The following RAI14 variants were observed in gnomAD, a reference collection of about 807,000 sequenced individuals.
RAI14 encodes the protein ankycorbin.
Under a neutral mutation model 115.4 loss-of-function variants are expected in RAI14, and 45 were observed. The observed-to-expected ratio is 0.39, with a 90% CI of 0.31 to 0.50. RAI14 has a LOEUF of 0.50. Among genes scored for constraint, RAI14 ranks in the 20% least tolerant of loss-of-function variants. The probability of loss-of-function intolerance (pLI) is 0.85; values close to 1 mark genes in which losing one functional copy is unlikely to be tolerated. For synonymous variants in RAI14, 371 were observed against 415.4 expected, an observed-to-expected ratio of 0.89 and a Z score of 1.30; for missense variants, 939 against 1,131.2, an observed-to-expected ratio of 0.83 and a Z score of 2.44.
intron 5 of RAI14, among the ~76,000 whole-genome samples, chr5:34,805,831 A>G (rs997824395): frequency 3.3e-5 from 5 of 151,968 alleles, no homozygotes; most frequent in African/African-American, 1.2e-4. Context: ...ACAGGGCGAG[A>G]CTCCATCTCA....
Position 34,832,518 on chromosome 5 carries a change from G to A in RAI14, c.*1753G>A, listed in dbSNP as rs1456541567. On this transcript the variant is annotated 3_prime_UTR_variant, in exon 18 of 18. Transcript: ENST00000265109. ...ATGCATATTTATTACGAGTACTCTGGTTAAATATTGAAAAGTTATATGCTG... is the reference window on the plus strand; with the variant it reads ...ATGCATATTTATTACGAGTACTCTGATTAAATATTGAAAAGTTATATGCTG... The A allele has an allele frequency of 6.6e-6, 1 of 152,588 alleles. No homozygotes were observed. The highest frequency in any genetic ancestry group is 1.5e-5 in the Non-Finnish European group (1 of 68,018). The allele number at this position is 152,588 out of a possible 1,614,324, so 9.5% of individuals were successfully genotyped here.
chr5:34,743,243 G>C (rs1473286412), intron 2 of RAI14, among the ~76,000 whole-genome samples: 1 of 152,162 alleles, frequency 6.6e-6, no homozygotes, highest in Non-Finnish European at 1.5e-5. Context: ...GACATCAGCA[G>C]GGTTGGTTCC....
In RAI14 at chr5:34,662,745, T is replaced by TTA. The variant is rs869272839; in HGVS notation, c.-49+6270_-49+6271insTA. Among the ~76,000 whole-genome samples the TTA allele has an allele frequency of 5.7e-3, 815 of 144,052 alleles. 12 individuals are homozygous for TTA. Among genetic ancestry groups the TTA allele is most frequent in the African/African-American group, 0.02 (777 of 39,410 alleles). The allele number at this position is 144,052 out of a possible 152,430, so 94.5% of individuals were successfully genotyped here. Reference sequence around the variant, plus strand: ...GATTTTTTTTTTTTTTTTTTTTTTTTAGACACAGAGTCTCACTCTGTTGCC... The same window carrying TTA: ...GATTTTTTTTTTTTTTTTTTTTTTTTTAAGACACAGAGTCTCACTCTGTTGCC... On this transcript the variant is annotated intron_variant, in intron 1 of 17. Coordinates refer to ENST00000265109, the MANE Select transcript of RAI14 (RefSeq NM_015577.3).
intron 2 of RAI14, among the ~76,000 whole-genome samples, chr5:34,723,299 G>A (rs1743032572): frequency 6.6e-6 from 1 of 152,050 alleles, no homozygotes; most frequent in East Asian, 1.9e-4. Flanking sequence ...CTAAGGAATT[G>A]GCTCATGTGA....
At chr5:34,771,608 C>T (rs970160479) in intron 3 of RAI14, among the ~76,000 whole-genome samples, 11 of 152,234 alleles carry the variant, frequency 7.2e-5, no homozygotes, top group Admixed American at 6.5e-4. Context: ...TTCAAGCCTC[C>T]TTTGGCTTAA....
At chr5:34,701,591 G>A (rs1170867412) in intron 2 of RAI14, among the ~76,000 whole-genome samples, 1 of 152,144 alleles carries the variant, frequency 6.6e-6, no homozygotes, top group East Asian at 1.9e-4. Flanking sequence ...CCTACAGCCT[G>A]GAAGGCTGCT....
At chr5:34,779,700 C>A (rs555900362) in intron 3 of RAI14, among the ~76,000 whole-genome samples, 1 of 152,278 alleles carries the variant, frequency 6.6e-6, no homozygotes, top group South Asian at 2.1e-4. Flanking sequence ...TTACAAACCA[C>A]TACTCAACGA....
rs528111898 is a variant in RAI14, at chr5:34,753,597, T to C, written c.37-3871T>C. On this transcript the variant is annotated intron_variant, in intron 2 of 17. Transcript: ENST00000265109. ...GAGTTCAAGACCAGCCTGGCCAATGTGGTGAAACCCCATCTCTACTGAAAA... is the reference window on the plus strand; with the variant it reads ...GAGTTCAAGACCAGCCTGGCCAATGCGGTGAAACCCCATCTCTACTGAAAA... Among the ~76,000 whole-genome samples, 5 of 151,992 alleles carry C rather than the reference T, an allele frequency of 3.3e-5. No individual in the cohort carries two copies. The East Asian group carries it at 9.7e-4, about 30-fold the overall frequency.
chr5:34,705,601 C>A (rs1740614822), intron 2 of RAI14, among the ~76,000 whole-genome samples: 1 of 152,046 alleles, frequency 6.6e-6, no homozygotes, highest in East Asian at 1.9e-4. Context: ...AGTCACCAGC[C>A]CCCCTGCATT....
Position 34,814,982 on chromosome 5 carries a change from C to T in RAI14, c.939+313C>T, listed in dbSNP as rs1756032937. On this transcript the variant is annotated intron_variant, in intron 12 of 17. Transcript: ENST00000265109. ...GACAAGAGGGCTGGGTGCAGTGGCT[C>T]ACACCTGGAATCCCAGCACTTTGGG... Among the ~76,000 whole-genome samples the T allele has an allele frequency of 2.0e-5, 3 of 152,140 alleles. No homozygotes were observed. The South Asian group carries it at 6.2e-4, about 31-fold the overall frequency.
rs771898528 is a variant in RAI14 at position 34,824,387 on chromosome 5, G to A, written c.2545G>A (p.Val849Ile). 5.0e-6 allele frequency: 8 copies of A among 1,611,004 alleles called. No individual in the cohort carries two copies. In the East Asian group the frequency reaches 1.8e-4, roughly 36 times the overall value. The stretch of plus-strand genomic sequence containing the variant: ...TCTCTTGAAATCCAAAGAGCAAGAA[G>A]TAAATGAACTTCTGCAAAAATTCCA... ...QTLLKSKEQEVNELLQKFQQA... is the reference protein window; with the variant it reads ...QTLLKSKEQEINELLQKFQQA... Residue 849 changes from valine to isoleucine, a missense_variant, in exon 15 of 18, where the codon GTA (valine) becomes ATA (isoleucine). Transcript: ENST00000265109.
intron 3 of RAI14, among the ~76,000 whole-genome samples, chr5:34,785,176 C>G (rs369115436): frequency 4.6e-5 from 7 of 152,170 alleles, no homozygotes; most frequent in African/African-American, 1.7e-4. Flanking sequence ...TTAGCGGCCA[C>G]TGTTCTATCA....
chr5:34,663,211 C>A (rs1742837354), intron 1 of RAI14, among the ~76,000 whole-genome samples: 1 of 152,072 alleles, frequency 6.6e-6, no homozygotes, highest in African/African-American at 2.4e-5. Flanking sequence ...CAAATCTAAT[C>A]AGTATTTTAA....
intron 3 of RAI14, among the ~76,000 whole-genome samples, chr5:34,795,412 C>A (rs1388040858): frequency 6.6e-6 from 1 of 152,182 alleles, no homozygotes; most frequent in African/African-American, 2.4e-5. Context: ...TAGGCACTTA[C>A]CAAATATTGC....
In RAI14 at chr5:34,786,542, A is replaced by G. The variant is rs1306559103; in HGVS notation, c.168-9397A>G. On this transcript the variant is annotated intron_variant, in intron 3 of 17. Coordinates refer to ENST00000265109, the MANE Select transcript of RAI14 (RefSeq NM_015577.3). ...CATTATACTCTCCTCCTTCCTCATC[A>G]TTTGTGAAAAGGTTCCAAGGTGGAA... 3.9e-5 allele frequency among the ~76,000 whole-genome samples: 6 copies of G among 152,130 alleles called. 1 individual carries two copies. In the South Asian group the frequency reaches 1.2e-3, roughly 31 times the overall value.
intron 3 of RAI14, among the ~76,000 whole-genome samples, chr5:34,790,178 G>A (rs1462566322): frequency 2.6e-5 from 4 of 152,224 alleles, no homozygotes; most frequent in African/African-American, 7.2e-5. Flanking sequence ...GGCATAGGGT[G>A]GGGGAATGAG....
chr5:34,826,272 G>C (rs1309625014), intron 15 of RAI14, 58 bp from the exon 16 acceptor site: 3 of 1,521,598 alleles, frequency 2.0e-6, no homozygotes, highest in Non-Finnish European at 2.7e-6. Flanking sequence ...ACAAATATAT[G>C]AAATTTTGCT....
chr5:34,753,985 G>A (rs1324774425), intron 2 of RAI14, among the ~76,000 whole-genome samples: 1 of 152,020 alleles, frequency 6.6e-6, no homozygotes, highest in Non-Finnish European at 1.5e-5. Flanking sequence ...GGAGGCTGGG[G>A]CAGGAGAGTC....
At chr5:34,774,554 CA>C (rs993762933) in intron 3 of RAI14, among the ~76,000 whole-genome samples, 14 of 151,750 alleles carry the variant, frequency 9.2e-5, no homozygotes, top group African/African-American at 3.4e-4. Context: ...TAAAGTTAAC[CA>C]AAGAAATAAA....
Sources: allele counts gnomAD v4.1 joint callset (sites outside exome capture counted in the v4.1 genomes callset), GRCh38; gene constraint gnomAD v4.1.1; transcripts MANE v1.5; gene names NCBI Gene and HGNC (gene_info 2026-07-23, HGNC 2026-07-21).